GRIA1: variants seen among roughly 807,000 people sequenced by gnomAD.
GRIA1 encodes the protein glutamate receptor 1.
GRIA1 carries 31 observed loss-of-function variants against 99.2 expected under a neutral mutation model. The observed-to-expected ratio is 0.31, with a 90% CI of 0.23 to 0.42. The LOEUF is 0.42. Among genes scored for constraint, GRIA1 ranks in the 10% least tolerant of loss-of-function variants. The pLI, the probability that GRIA1 is intolerant of heterozygous loss-of-function variation, is 1.00. For synonymous variants in GRIA1, 438 were observed against 432.4 expected, an observed-to-expected ratio of 1.01 and a Z score of -0.16; for missense variants, 782 against 1,157.5, an observed-to-expected ratio of 0.68 and a Z score of 4.71.
intron 2 of GRIA1, among the ~76,000 whole-genome samples, chr5:153,518,203 A>AT (rs1202182296): frequency 7.9e-5 from 12 of 151,848 alleles, no homozygotes; most frequent in East Asian, 1.9e-4. Context: ...CCTTCAAAGC[A>AT]TTTTTTTTAA....
chr5:153,711,927 T>C (rs6580029), intron 11 of GRIA1, among the ~76,000 whole-genome samples: 73,463 of 152,032 alleles, frequency 0.48, 17,842 homozygotes, highest in South Asian at 0.54. Flanking sequence ...GAATGTGTAA[T>C]AATTGTCTCC....
At chr5:153,650,247 G>A in intron 3 of GRIA1, 83 bp from the exon 4 acceptor site, 2 of 1,216,738 alleles carry the variant, frequency 1.6e-6, no homozygotes, top group Non-Finnish European at 2.3e-6. Context: ...GGGTAGCCAG[G>A]GGAGGTAGGT....
chr5:153,802,843 A>G (rs6896076), intron 15 of GRIA1, among the ~76,000 whole-genome samples: 2,036 of 152,280 alleles, frequency 0.013, 45 homozygotes, highest in African/African-American at 0.046. Context: ...GTGTGGCTGC[A>G]AAAGAGAGGA....
rs1581272801 is a variant in GRIA1 at position 153,586,922 on chromosome 5, G to A, written c.221-60006G>A. ...CACTTGAGGCACGTTTCCAGACAGG[G>A]TCTTAACTTCTCCTCACTGCTGATC... is the stretch of plus-strand genomic sequence containing the variant. On this transcript the variant is annotated intron_variant, in intron 2 of 15. Transcript: ENST00000285900. 3.3e-5 allele frequency among the ~76,000 whole-genome samples: 5 copies of A among 152,164 alleles called. No individual in the cohort carries two copies. The South Asian group carries it at 1.0e-3, about 31-fold the overall frequency.
In GRIA1 at chr5:153,811,085, C is replaced by G. The variant is rs764232454; in HGVS notation, c.2581C>G (p.Arg861Gly). Residue 861 changes from arginine (R) to glycine (G), a missense_variant, in exon 16 of 16, where the codon CGC (arginine) becomes GGC (glycine). Coordinates refer to ENST00000285900, the MANE Select transcript of GRIA1 (RefSeq NM_000827.4). ...AGCCATACGGACATCGACCCTCCCC[C>G]GCAACAGCGGGGCAGGAGCCAGCAG... Reference protein sequence around the residue: ...NEAIRTSTLPRNSGAGASSGG... With the variant: ...NEAIRTSTLPGNSGAGASSGG... 9.3e-6 allele frequency: 15 copies of G among 1,613,970 alleles called. No homozygotes were observed. The highest frequency in any genetic ancestry group is 3.3e-5 in the Admixed American group (2 of 60,004).
chr5:153,799,551 T>C (rs1413933623), intron 14 of GRIA1, among the ~76,000 whole-genome samples: 1 of 152,208 alleles, frequency 6.6e-6, no homozygotes, highest in Admixed American at 6.5e-5. Context: ...CCACATCCTA[T>C]TAAATAAATC....
intron 11 of GRIA1, among the ~76,000 whole-genome samples, chr5:153,731,015 A>G (rs1214819837): frequency 1.3e-5 from 2 of 152,032 alleles, no homozygotes; most frequent in Non-Finnish European, 2.9e-5. Flanking sequence ...TTCAAGTGAG[A>G]ATCCTCCCTG....
chr5:153,749,245 G>A (rs1051215909), intron 11 of GRIA1, among the ~76,000 whole-genome samples: 2 of 152,148 alleles, frequency 1.3e-5, no homozygotes, highest in African/African-American at 4.8e-5. Flanking sequence ...AGTGTGAGAT[G>A]TGACTTACTA....
chr5:153,566,064 G>C (rs968855923), intron 2 of GRIA1, among the ~76,000 whole-genome samples: 2 of 152,024 alleles, frequency 1.3e-5, no homozygotes, highest in Non-Finnish European at 2.9e-5. Context: ...GTTTTCCAAA[G>C]TGATTGCACC....
chr5:153,770,064 C>A, intron 12 of GRIA1, 104 bp from the exon 13 acceptor site: 1 of 1,139,998 alleles, frequency 8.8e-7, no homozygotes, highest in Non-Finnish European at 1.3e-6. Context: ...GAGCTAATCT[C>A]GCTCATGAAT....
intron 5 of GRIA1, among the ~76,000 whole-genome samples, chr5:153,665,051 G>T (rs1755645280): frequency 6.6e-6 from 1 of 152,192 alleles, no homozygotes; most frequent in African/African-American, 2.4e-5. Context: ...AAATGGCCTT[G>T]GCCAGGTGTC....
chr5:153,809,668 CTAATT>C (rs1766678808), intron 15 of GRIA1, among the ~76,000 whole-genome samples: 1 of 152,198 alleles, frequency 6.6e-6, no homozygotes, highest in Non-Finnish European at 1.5e-5. Flanking sequence ...CATTATGCAT[CTAATT>C]TCTTACTGGA....
At chr5:153,525,896 T>G (rs1401870961) in intron 2 of GRIA1, among the ~76,000 whole-genome samples, 1 of 152,212 alleles carries the variant, frequency 6.6e-6, no homozygotes, top group Non-Finnish European at 1.5e-5. Context: ...GGCACTTTGA[T>G]TGCCGCAACT....
At chr5:153,746,042 G>A (rs530350669) in intron 11 of GRIA1, among the ~76,000 whole-genome samples, 4 of 152,302 alleles carry the variant, frequency 2.6e-5, no homozygotes, top group South Asian at 4.1e-4. Flanking sequence ...AGGTGAAACC[G>A]AGGCTCAGAG....
At chr5:153,566,441 G>A (rs1219323485) in intron 2 of GRIA1, among the ~76,000 whole-genome samples, 1 of 149,848 alleles carries the variant, frequency 6.7e-6, no homozygotes, top group Non-Finnish European at 1.5e-5. Flanking sequence ...CAAGTAGCTG[G>A]GATTACAGGC....
chr5:153,647,974 T>A (rs1754281999), intron 3 of GRIA1, among the ~76,000 whole-genome samples: 1 of 152,234 alleles, frequency 6.6e-6, no homozygotes, highest in African/African-American at 2.4e-5. Flanking sequence ...TGTCTTGTAC[T>A]GTCCTACCTT....
intron 7 of GRIA1, among the ~76,000 whole-genome samples, chr5:153,678,142 A>G (rs1228025256): frequency 6.6e-6 from 1 of 152,210 alleles, no homozygotes; most frequent in Admixed American, 6.5e-5. Context: ...GACCAGCTTT[A>G]CTTTTAAGAC....
In GRIA1 at chr5:153,682,878, G is replaced by T. The variant is rs542655189; in HGVS notation, c.1030-3347G>T. 2.6e-5 allele frequency among the ~76,000 whole-genome samples: 4 copies of T among 152,268 alleles called. No homozygotes were observed. In the East Asian group the frequency reaches 5.8e-4, roughly 22 times the overall value. Reference sequence around the variant, plus strand: ...GCTGAAGTAATAGAGACATTAACCCGCATTCTCTCAGCACCAAGCAGGAAA... The same window carrying T: ...GCTGAAGTAATAGAGACATTAACCCTCATTCTCTCAGCACCAAGCAGGAAA... On this transcript the variant is annotated intron_variant, in intron 7 of 15. Transcript: ENST00000285900.
At position 153,809,155 on chromosome 5, in the gene GRIA1, T is replaced by C. The variant is rs1024942596; in HGVS notation, c.2521-1870T>C. ...AAGCTAATCTATAGAAGTTTCCATA[T>C]TTCCCACAGATATAAATAAAATGTT... On this transcript the variant is annotated intron_variant, in intron 15 of 15. Coordinates refer to ENST00000285900, the MANE Select transcript of GRIA1 (RefSeq NM_000827.4). Among the ~76,000 whole-genome samples the C allele has an allele frequency of 2.0e-5, 3 of 152,258 alleles. No homozygotes were observed. In the South Asian group the frequency reaches 6.2e-4, roughly 31 times the overall value.
Sources: gnomAD v4.1 joint callset for allele counts (sites outside exome capture counted in the v4.1 genomes callset) on GRCh38, gnomAD v4.1.1 for gene constraint, MANE v1.5 for transcripts, NCBI Gene and HGNC (gene_info 2026-07-23, HGNC 2026-07-21) for gene names.